Variants in TMPRSS15 observed in about 807,000 individuals in gnomAD.
TMPRSS15 encodes transmembrane serine protease 15.
TMPRSS15 carries 128 observed loss-of-function variants against 125.3 expected under a neutral mutation model. That is an observed-to-expected ratio of 1.02 (90% confidence interval 0.89 to 1.18). The LOEUF (loss-of-function observed/expected upper bound fraction) is 1.18. TMPRSS15 is among the 50% of genes most tolerant of loss of function. TMPRSS15 has a pLI of 0.00. For synonymous variants in TMPRSS15, 446 were observed against 423.2 expected (o/e 1.05, Z -0.66); for missense variants, 1,283 against 1,212.7 (o/e 1.06, Z -0.86).
chr21:18,463,540 C>A (rs573692893), intron 1 of TMPRSS15, among the ~76,000 whole-genome samples: 1 of 151,710 alleles, frequency 6.6e-6, no homozygotes, highest in African/African-American at 2.4e-5. Context: ...TTAGAGAGAT[C>A]GAGACAGAAA....
intron 1 of TMPRSS15, among the ~76,000 whole-genome samples, chr21:18,443,141 G>A (rs1448026794): frequency 6.6e-6 from 1 of 152,090 alleles, no homozygotes. Context: ...AGAGAAACAA[G>A]AGATGAGGAA....
At chr21:18,396,957 T>C (rs1396425626) in intron 3 of TMPRSS15, among the ~76,000 whole-genome samples, 1 of 152,034 alleles carries the variant, frequency 6.6e-6, no homozygotes, top group Non-Finnish European at 1.5e-5. Flanking sequence ...GAATATTGTC[T>C]TTCTTTCTGT....
chr21:18,337,654 G>C (rs1215424877), intron 13 of TMPRSS15, among the ~76,000 whole-genome samples: 1 of 152,118 alleles, frequency 6.6e-6, no homozygotes, highest in African/African-American at 2.4e-5. Flanking sequence ...CACAATGTGG[G>C]TTCCCAGGAA....
chr21:18,298,558 A>G (rs981544881), intron 18 of TMPRSS15, among the ~76,000 whole-genome samples: 1 of 152,188 alleles, frequency 6.6e-6, no homozygotes, highest in Non-Finnish European at 1.5e-5. Flanking sequence ...GTGAGCTCTA[A>G]TTGAAGATTT....
chr21:18,309,584 A>G (rs2075074526), intron 18 of TMPRSS15, among the ~76,000 whole-genome samples: 1 of 152,198 alleles, frequency 6.6e-6, no homozygotes, highest in Admixed American at 6.5e-5. Flanking sequence ...ATTTACAAGA[A>G]AAAAACAAAC....
chr21:18,438,069 A>C (rs2076232052), intron 1 of TMPRSS15, among the ~76,000 whole-genome samples: 1 of 151,560 alleles, frequency 6.6e-6, no homozygotes, highest in Non-Finnish European at 1.5e-5. Flanking sequence ...AAGACTTGGA[A>C]CCAACCCAAA....
At chr21:18,454,589 T>C (rs1215005166) in intron 1 of TMPRSS15, among the ~76,000 whole-genome samples, 1 of 152,030 alleles carries the variant, frequency 6.6e-6, no homozygotes, top group Non-Finnish European at 1.5e-5. Flanking sequence ...TAACTCTTAG[T>C]CCCAGTACAA....
intron 1 of TMPRSS15, chr21:18,477,524 G>C (rs1247768540): frequency 2.0e-5 from 3 of 151,996 alleles, no homozygotes; most frequent in Non-Finnish European, 1.5e-5. Flanking sequence ...AAATTTAACT[G>C]AAACTGGCTT....
chr21:18,316,915 G>C (rs1210405416), intron 16 of TMPRSS15, among the ~76,000 whole-genome samples: 1 of 152,092 alleles, frequency 6.6e-6, no homozygotes. Context: ...CTTGGAATTT[G>C]GTTCCCTAAC....
chr21:18,384,324 T>G (rs2075922202), intron 3 of TMPRSS15, among the ~76,000 whole-genome samples: 1 of 152,178 alleles, frequency 6.6e-6, no homozygotes, highest in African/African-American at 2.4e-5. Context: ...AAATATGCCC[T>G]GATTTCAAGG....
intron 1 of TMPRSS15, among the ~76,000 whole-genome samples, chr21:18,439,880 C>G (rs573180067): frequency 6.6e-6 from 1 of 152,240 alleles, no homozygotes; most frequent in African/African-American, 2.4e-5. Context: ...AGCTAGAAAT[C>G]ACTTGAGAAC....
intron 24 of TMPRSS15, among the ~76,000 whole-genome samples, chr21:18,272,152 C>G (rs561739130): frequency 1.3e-5 from 2 of 152,298 alleles, no homozygotes; most frequent in African/African-American, 4.8e-5. Context: ...CTGTCTTCCA[C>G]AATGGTTGAA....
chr21:18,381,830 A>G (rs1267075651), intron 4 of TMPRSS15, among the ~76,000 whole-genome samples: 1 of 152,014 alleles, frequency 6.6e-6, no homozygotes, highest in Non-Finnish European at 1.5e-5. Flanking sequence ...CTGTTGGAGG[A>G]TGGGCGGTGG....
At chr21:18,399,275 C>A (rs2076072315) in intron 1 of TMPRSS15, among the ~76,000 whole-genome samples, 1 of 152,030 alleles carries the variant, frequency 6.6e-6, no homozygotes, top group African/African-American at 2.4e-5. Flanking sequence ...GGAATTTGGT[C>A]ATTGAAATGA....
chr21:18,482,221 A>C (rs1046073162), intron 1 of TMPRSS15, among the ~76,000 whole-genome samples: 8 of 151,528 alleles, frequency 5.3e-5, no homozygotes, highest in African/African-American at 1.9e-4. Context: ...ATTATCCAAT[A>C]TGAACACCAA....
chr21:18,386,515 G>A (rs2075945334), intron 3 of TMPRSS15, among the ~76,000 whole-genome samples: 1 of 152,124 alleles, frequency 6.6e-6, no homozygotes, highest in Non-Finnish European at 1.5e-5. Flanking sequence ...GGGGAGAAGG[G>A]AAAGATATTT....
At chr21:18,305,114 G>C (rs1204674433) in intron 18 of TMPRSS15, among the ~76,000 whole-genome samples, 1 of 151,492 alleles carries the variant, frequency 6.6e-6, no homozygotes. Flanking sequence ...ATCACAGACT[G>C]CTGGGCCTTA....
At position 18,344,138 on chromosome 21, in the gene TMPRSS15, G is replaced by A. The variant is rs755900362; in HGVS notation, c.1172-78C>T. ...TGTGACAAGTAGACTTTGTAAGCAG[G>A]AAAGAAAAACTTTAAGAAGAAAGGT... On this transcript the variant is annotated intron_variant, in intron 10 of 24. Transcript: ENST00000284885. The A allele has an allele frequency of 4.1e-6, 5 of 1,234,050 alleles. No individual in the cohort carries two copies. The East Asian group carries it at 7.2e-5, about 18-fold the overall frequency. 76.4% of individuals were successfully genotyped at this position (1,234,050 alleles called of 1,614,324 possible). A position where few individuals can be genotyped will look rare whatever the true frequency, so the allele number is the denominator to read the frequency against.
intron 1 of TMPRSS15, among the ~76,000 whole-genome samples, chr21:18,431,324 AT>A (rs1871064053): frequency 6.6e-6 from 1 of 152,030 alleles, no homozygotes; most frequent in African/African-American, 2.4e-5. Flanking sequence ...TAATTGCTGT[AT>A]TTTATGCAGG....
Sources: allele counts gnomAD v4.1 joint callset (sites outside exome capture counted in the v4.1 genomes callset), GRCh38; gene constraint gnomAD v4.1.1; transcripts MANE v1.5; gene names NCBI Gene and HGNC (gene_info 2026-07-23, HGNC 2026-07-21).